Variants in SLMAP observed in about 807,000 individuals in gnomAD.
SLMAP encodes sarcolemma associated protein.
Under a neutral mutation model 128.8 loss-of-function variants are expected in SLMAP, and 44 were observed. That is an observed-to-expected ratio of 0.34 (90% confidence interval 0.27 to 0.44). SLMAP has a LOEUF of 0.44. SLMAP is among the 20% of genes least tolerant of loss of function. The pLI is 1.00. For synonymous variants in SLMAP, 327 were observed against 348.8 expected (o/e 0.94, Z 0.70); for missense variants, 787 against 985.3 (o/e 0.80, Z 2.69).
intron 22 of SLMAP, chr3:57,917,378 C>G: frequency 2.1e-6 from 1 of 480,010 alleles, no homozygotes; most frequent in South Asian, 2.3e-5. Context: ...GTTTAACTTT[C>G]AAAGAGAGTA....
chr3:57,910,007 G>A (rs2096656479), intron 19 of SLMAP, among the ~76,000 whole-genome samples: 1 of 151,902 alleles, frequency 6.6e-6, no homozygotes, highest in South Asian at 2.1e-4. Flanking sequence ...TGAAGATTTG[G>A]AGTTGGTAAG....
chr3:57,804,782 C>T (rs568439386), intron 2 of SLMAP, among the ~76,000 whole-genome samples: 2 of 152,136 alleles, frequency 1.3e-5, no homozygotes, highest in South Asian at 4.2e-4. Context: ...TACCAATTTA[C>T]TTACAATAAT....
intron 2 of SLMAP, among the ~76,000 whole-genome samples, chr3:57,814,830 C>CA (rs1276117165): frequency 6.6e-6 from 1 of 151,888 alleles, no homozygotes; most frequent in African/African-American, 2.4e-5. Context: ...CAAAACAAAA[C>CA]AAAAAAACTA....
In SLMAP at chr3:57,792,907, C is replaced by T. The variant is rs266846; in HGVS notation, c.198+35058C>T. The stretch of plus-strand genomic sequence containing the variant: ...AATCCCAGCACTTTGAGAGGCTAAG[C>T]GGGGTGGATTGCTTGAGCTCAGGAG... On this transcript the variant is annotated intron_variant, in intron 2 of 24. Transcript: ENST00000671191. Among the ~76,000 whole-genome samples the T allele has an allele frequency of 5.9e-5, 9 of 151,898 alleles. No individual in the cohort carries two copies. In the East Asian group the frequency reaches 1.2e-3, roughly 20 times the overall value.
chr3:57,848,519 T>C lies in SLMAP; in HGVS notation c.457-1235T>C, dbSNP rs181211261. Among the ~76,000 whole-genome samples, 574 of 150,564 alleles carry C rather than the reference T, an allele frequency of 3.8e-3. 4 individuals carry two copies. The highest frequency in any genetic ancestry group is 6.7e-3 in the Non-Finnish European group (450 of 67,606). On this transcript the variant is annotated intron_variant, in intron 5 of 24. Coordinates refer to ENST00000671191, the MANE Select transcript of SLMAP (RefSeq NM_001377540.1). ...CTACTTCCTTCTTCTTTCTTCTTCT[T>C]CCTTCTTTCTCCTTCTTCCTTCCCT...
At chr3:57,796,570 C>T (rs539944959) in intron 2 of SLMAP, among the ~76,000 whole-genome samples, 6 of 152,266 alleles carry the variant, frequency 3.9e-5, no homozygotes, top group Admixed American at 2.6e-4. Flanking sequence ...GCACTTAGAA[C>T]GATTTGGCAA....
chr3:57,830,259 C>T (rs1345976876), intron 2 of SLMAP, among the ~76,000 whole-genome samples: 2 of 152,214 alleles, frequency 1.3e-5, no homozygotes, highest in Non-Finnish European at 2.9e-5. Context: ...CTGCCCGCCT[C>T]AGCCTCCCAA....
chr3:57,879,744 C>G (rs2095684071), intron 14 of SLMAP, among the ~76,000 whole-genome samples: 1 of 151,962 alleles, frequency 6.6e-6, no homozygotes, highest in Non-Finnish European at 1.5e-5. Flanking sequence ...AGTTTGAGAC[C>G]AGCTTGGCCA....
At chr3:57,849,907 C>A in intron 6 of SLMAP, 91 bp downstream of exon 6, 1 of 770,742 alleles carries the variant, frequency 1.3e-6, no homozygotes. Flanking sequence ...GGCATGGTGG[C>A]TAATGCCTGT....
At chr3:57,786,909 A>AT (rs1218881045) in intron 2 of SLMAP, among the ~76,000 whole-genome samples, 1 of 151,344 alleles carries the variant, frequency 6.6e-6, no homozygotes, top group Non-Finnish European at 1.5e-5. Context: ...AATTTTTTGT[A>AT]TTTTTTTAAG....
At chr3:57,869,036 AAT>A (rs1048422307) in intron 13 of SLMAP, among the ~76,000 whole-genome samples, 8 of 138,688 alleles carry the variant, frequency 5.8e-5, no homozygotes, top group Non-Finnish European at 9.1e-5. Context: ...TTATATATAT[AAT>A]ATATATTATA....
At chr3:57,787,902 A>G (rs772186744) in intron 2 of SLMAP, among the ~76,000 whole-genome samples, 113 of 152,376 alleles carry the variant, frequency 7.4e-4, no homozygotes, top group Non-Finnish European at 1.1e-3. Context: ...GATAATACCA[A>G]TACTAGGAAA....
At chr3:57,833,910 T>C (rs1419060617) in intron 3 of SLMAP, among the ~76,000 whole-genome samples, 1 of 152,326 alleles carries the variant, frequency 6.6e-6, no homozygotes, top group Middle Eastern at 3.4e-3. Context: ...AGTTGAGTAC[T>C]ACCTGTTTAA....
intron 2 of SLMAP, among the ~76,000 whole-genome samples, chr3:57,814,749 G>T (rs919335715): frequency 2.0e-5 from 3 of 152,034 alleles, no homozygotes; most frequent in Admixed American, 2.0e-4. Context: ...TGAGGCAGGA[G>T]AATCACTTGA....
At chr3:57,868,882 AAT>A (rs1560330454) in intron 13 of SLMAP, among the ~76,000 whole-genome samples, 1 of 138,684 alleles carries the variant, frequency 7.2e-6, no homozygotes, top group African/African-American at 2.7e-5. Context: ...TATTATATAT[AAT>A]ATATATTATA....
At chr3:57,786,705 C>T (rs1262615717) in intron 2 of SLMAP, among the ~76,000 whole-genome samples, 1 of 150,142 alleles carries the variant, frequency 6.7e-6, no homozygotes, top group Non-Finnish European at 1.5e-5. Context: ...TACAGGTGCC[C>T]ACCACCTTTC....
At chr3:57,902,480 A>G (rs546073505) in intron 17 of SLMAP, among the ~76,000 whole-genome samples, 3 of 152,328 alleles carry the variant, frequency 2.0e-5, no homozygotes, top group South Asian at 2.1e-4. Flanking sequence ...CAGCAATGAT[A>G]TGATCAGATC....
At chr3:57,806,376 T>C (rs2089861563) in intron 2 of SLMAP, among the ~76,000 whole-genome samples, 1 of 152,164 alleles carries the variant, frequency 6.6e-6, no homozygotes, top group Non-Finnish European at 1.5e-5. Context: ...CTGCAGAGGA[T>C]ATGATCTCAT....
Position 57,865,310 on chromosome 3 carries a change from AAT to A in SLMAP, c.1237+28_1237+29del. On this transcript the variant is annotated intron_variant, in intron 13 of 24. Transcript: ENST00000671191. ...AGAAAAAGGTAGTGTAAAAAACTTA[AAT>A]ATATATATACTTTTTATGATATCAT... 1.9e-6 allele frequency: 2 copies of A among 1,068,260 alleles called. No individual in the cohort carries two copies. Among genetic ancestry groups the A allele is most frequent in the Non-Finnish European group, 2.8e-6 (2 of 722,608 alleles). 66.2% of individuals were successfully genotyped at this position (1,068,260 alleles called of 1,614,324 possible). A position where few individuals can be genotyped will look rare whatever the true frequency, so the allele number is the denominator to read the frequency against.
Sources: allele counts gnomAD v4.1 joint callset (sites outside exome capture counted in the v4.1 genomes callset), GRCh38; gene constraint gnomAD v4.1.1; transcripts MANE v1.5; gene names NCBI Gene and HGNC (gene_info 2026-07-23, HGNC 2026-07-21).